LHFPL3: variants seen among roughly 807,000 people sequenced by gnomAD.
The protein encoded by LHFPL3 is LHFPL tetraspan subfamily member 3.
LHFPL3 carries 5 observed loss-of-function variants against 19.3 expected under a neutral mutation model. That is an observed-to-expected ratio of 0.26 (90% CI 0.14 to 0.54). The LOEUF (loss-of-function observed/expected upper bound fraction) is 0.54, where lower values mean the gene tolerates loss of function less well. LHFPL3 is among the 20% of genes least tolerant of loss of function. LHFPL3 has a pLI of 0.94. For synonymous variants in LHFPL3, 133 were observed against 126.2 expected (o/e 1.05, Z -0.36); for missense variants, 249 against 307.4 (o/e 0.81, Z 1.42).
intron 1 of LHFPL3, among the ~76,000 whole-genome samples, chr7:104,735,469 C>T (rs1055401654): frequency 1.3e-5 from 2 of 152,240 alleles, no homozygotes; most frequent in Non-Finnish European, 2.9e-5. Context: ...TCTCAGACTG[C>T]TGTGCTAGCA....
At chr7:104,596,413 G>C (rs773562152) in intron 1 of LHFPL3, among the ~76,000 whole-genome samples, 6 of 152,148 alleles carry the variant, frequency 3.9e-5, no homozygotes, top group African/African-American at 1.4e-4. Flanking sequence ...TCTTCCATTT[G>C]TGAAGATGTG....
chr7:104,506,902 A>C (rs1793709283), intron 1 of LHFPL3, among the ~76,000 whole-genome samples: 1 of 152,210 alleles, frequency 6.6e-6, no homozygotes, highest in Admixed American at 6.5e-5. Context: ...ATTTAGAAAA[A>C]ACAAATTGTG....
chr7:104,431,218 T>G (rs1029758243), intron 1 of LHFPL3, among the ~76,000 whole-genome samples: 2 of 152,258 alleles, frequency 1.3e-5, no homozygotes, highest in African/African-American at 2.4e-5. Context: ...ACTGCTTTTG[T>G]AAATTGATCA....
At chr7:104,368,064 A>T (rs999628281) in intron 1 of LHFPL3, among the ~76,000 whole-genome samples, 1 of 152,172 alleles carries the variant, frequency 6.6e-6, no homozygotes, top group Non-Finnish European at 1.5e-5. Flanking sequence ...TCTTGCTAGG[A>T]TGTTTATCCA....
chr7:104,798,699 A>AT (rs34435651), intron 2 of LHFPL3, among the ~76,000 whole-genome samples: 38,011 of 150,816 alleles, frequency 0.25, 5,480 homozygotes, highest in South Asian at 0.4. Flanking sequence ...AAGTCTCACG[A>AT]TTTTTTTTTT....
Position 104,523,148 on chromosome 7 carries a change from A to G in LHFPL3, c.445+193924A>G, listed in dbSNP as rs1452145338. On this transcript the variant is annotated intron_variant, in intron 1 of 2. Transcript: ENST00000424859. ...GTTTACTCAAAACTTCATATAAAGTATGCTTCTCAAATTGGTCCTGGTTAA... is the reference window on the plus strand; with the variant it reads ...GTTTACTCAAAACTTCATATAAAGTGTGCTTCTCAAATTGGTCCTGGTTAA... Among the ~76,000 whole-genome samples, 5 of 152,304 alleles carry G rather than the reference A, an allele frequency of 3.3e-5. No individual in the cohort carries two copies. In the South Asian group the frequency reaches 8.3e-4, roughly 25 times the overall value.
At chr7:104,824,685 A>T (rs1173308007) in intron 2 of LHFPL3, among the ~76,000 whole-genome samples, 15 of 95,026 alleles carry the variant, frequency 1.6e-4, no homozygotes, top group Non-Finnish European at 5.6e-5. Flanking sequence ...CATTATATAT[A>T]ATATATATTA....
At chr7:104,663,030 G>A (rs1037391613) in intron 1 of LHFPL3, among the ~76,000 whole-genome samples, 6 of 151,918 alleles carry the variant, frequency 3.9e-5, no homozygotes, top group Non-Finnish European at 8.8e-5. Flanking sequence ...AACTGTGCTG[G>A]GCATTTAAAA....
At chr7:104,494,658 C>G (rs865941772) in intron 1 of LHFPL3, among the ~76,000 whole-genome samples, 1 of 152,138 alleles carries the variant, frequency 6.6e-6, no homozygotes, top group African/African-American at 2.4e-5. Context: ...TCAAATCAAG[C>G]CTGCTGACCT....
intron 2 of LHFPL3, among the ~76,000 whole-genome samples, chr7:104,813,093 A>G (rs923011580): frequency 1.3e-5 from 2 of 151,974 alleles, no homozygotes; most frequent in African/African-American, 4.8e-5. Flanking sequence ...CAGGCTAGGC[A>G]ACAGAGCAAG....
At chr7:104,700,828 C>T (rs1168631623) in intron 1 of LHFPL3, among the ~76,000 whole-genome samples, 2 of 152,116 alleles carry the variant, frequency 1.3e-5, no homozygotes, top group African/African-American at 4.8e-5. Flanking sequence ...AAGCATTGAT[C>T]GCAGTATCTA....
intron 1 of LHFPL3, among the ~76,000 whole-genome samples, chr7:104,438,752 G>A (rs10085749): frequency 0.56 from 85,259 of 151,682 alleles, 26,830 homozygotes; most frequent in African/African-American, 0.86. Context: ...TAACATATTA[G>A]GAACAGAGAT....
At chr7:104,459,231 G>T (rs536837765) in intron 1 of LHFPL3, among the ~76,000 whole-genome samples, 7 of 152,196 alleles carry the variant, frequency 4.6e-5, no homozygotes, top group African/African-American at 1.7e-4. Flanking sequence ...ATCTAGAGTG[G>T]TTCCTATTTT....
At chr7:104,700,892 G>A (rs1793088922) in intron 1 of LHFPL3, among the ~76,000 whole-genome samples, 2 of 152,034 alleles carry the variant, frequency 1.3e-5, no homozygotes, top group Admixed American at 1.3e-4. Flanking sequence ...CTCCCTAACT[G>A]TACCAATTTA....
chr7:104,746,305 C>T (rs980110754), intron 2 of LHFPL3, among the ~76,000 whole-genome samples: 1 of 151,762 alleles, frequency 6.6e-6, no homozygotes, highest in Non-Finnish European at 1.5e-5. Flanking sequence ...GAGCGAGACT[C>T]CATCTCAAAA....
intron 1 of LHFPL3, among the ~76,000 whole-genome samples, chr7:104,719,864 T>G (rs186930070): frequency 6.6e-6 from 1 of 152,294 alleles, no homozygotes; most frequent in Non-Finnish European, 1.5e-5. Context: ...GTGTATGACC[T>G]CGAGCAAGTA....
At chr7:104,898,054 G>A (rs1792403558) in intron 2 of LHFPL3, among the ~76,000 whole-genome samples, 1 of 123,296 alleles carries the variant, frequency 8.1e-6, no homozygotes, top group African/African-American at 3.2e-5. Context: ...CTGTTGCCCA[G>A]GCTGGAGTAC....
intron 2 of LHFPL3, among the ~76,000 whole-genome samples, chr7:104,887,506 C>G (rs548542998): frequency 6.2e-4 from 94 of 152,334 alleles, no homozygotes; most frequent in African/African-American, 2.2e-3. Context: ...CAATTCTCAT[C>G]AGTCATTGAC....
At position 104,354,982 on chromosome 7, in the gene LHFPL3, C is replaced by T. The variant is rs933299792; in HGVS notation, c.445+25758C>T. ...TGTATATTTAACAATGAAAGCAAAT[C>T]TCAATTTGGATGCTAAATTTTCAGT... On this transcript the variant is annotated intron_variant, in intron 1 of 2. Transcript: ENST00000424859. 2.6e-5 allele frequency among the ~76,000 whole-genome samples: 4 copies of T among 152,120 alleles called. No individual in the cohort carries two copies. The East Asian group carries it at 5.8e-4, about 22-fold the overall frequency.
Sources: allele counts gnomAD v4.1 joint callset (sites outside exome capture counted in the v4.1 genomes callset), GRCh38; gene constraint gnomAD v4.1.1; transcripts MANE v1.5; gene names NCBI Gene and HGNC (gene_info 2026-07-23, HGNC 2026-07-21).